The following MDGA2 variants were observed in gnomAD, a reference collection of about 807,000 sequenced individuals.
MDGA2 encodes the protein MAM domain-containing glycosylphosphatidylinositol anchor protein 2.
In MDGA2, 40 loss-of-function variants were observed where a neutral mutation model predicts 117.8. The observed-to-expected ratio is 0.34, with a 90% CI of 0.26 to 0.44. The LOEUF (loss-of-function observed/expected upper bound fraction) is 0.44. MDGA2 is among the 20% of genes least tolerant of loss of function. The pLI is 1.00. For synonymous variants in MDGA2, 452 were observed against 439.0 expected, an observed-to-expected ratio of 1.03 and a Z score of -0.37; for missense variants, 1,123 against 1,250.6, an observed-to-expected ratio of 0.90 and a Z score of 1.54.
At chr14:47,392,565 T>C (rs1012135466) in intron 1 of MDGA2, among the ~76,000 whole-genome samples, 9 of 152,058 alleles carry the variant, frequency 5.9e-5, no homozygotes, top group Non-Finnish European at 1.3e-4. Context: ...GCAGGAGAAC[T>C]TTCAGGGTAA....
intron 1 of MDGA2, among the ~76,000 whole-genome samples, chr14:47,396,579 A>G (rs1184907096): frequency 6.6e-6 from 1 of 152,230 alleles, no homozygotes; most frequent in Non-Finnish European, 1.5e-5. Context: ...AAATTTTTGC[A>G]ATCTATCCAT....
At chr14:47,112,754 C>T (rs879999954) in intron 5 of MDGA2, among the ~76,000 whole-genome samples, 4 of 152,250 alleles carry the variant, frequency 2.6e-5, no homozygotes, top group South Asian at 2.1e-4. Context: ...TAGGTATATA[C>T]CCAGTAATAG....
intron 1 of MDGA2, among the ~76,000 whole-genome samples, chr14:47,585,644 A>T (rs2138848646): frequency 6.6e-6 from 1 of 151,874 alleles, no homozygotes; most frequent in South Asian, 2.1e-4. Context: ...CGGCTCCCAT[A>T]ACTAGGAAGT....
rs573180213 is a variant in MDGA2, at chr14:47,368,819, A to C, written c.281-67269T>G. 2.0e-5 allele frequency among the ~76,000 whole-genome samples: 3 copies of C among 152,268 alleles called. No individual in the cohort carries two copies. The East Asian group carries it at 5.8e-4, about 29-fold the overall frequency. On this transcript the variant is annotated intron_variant, in intron 1 of 16. Coordinates refer to ENST00000399232, the MANE Select transcript of MDGA2 (RefSeq NM_001113498.3). ...ATAATAATAACATATGCTTGGAGAA[A>C]AGTCATGTTAACTTGCTTTCTGACT...
At chr14:47,050,883 C>T (rs765741120) in intron 7 of MDGA2, among the ~76,000 whole-genome samples, 6 of 151,924 alleles carry the variant, frequency 3.9e-5, no homozygotes, top group Non-Finnish European at 5.9e-5. Flanking sequence ...ACTCTAACAT[C>T]CTAACACTTT....
chr14:47,660,983 C>T (rs570590294), intron 1 of MDGA2, among the ~76,000 whole-genome samples: 36 of 152,044 alleles, frequency 2.4e-4, no homozygotes, highest in African/African-American at 8.2e-4. Flanking sequence ...AGAAAGAAAA[C>T]CATATGGTAT....
At chr14:47,229,017 T>C (rs1206812468) in intron 2 of MDGA2, among the ~76,000 whole-genome samples, 6 of 152,002 alleles carry the variant, frequency 3.9e-5, no homozygotes, top group Admixed American at 2.0e-4. Flanking sequence ...GAGAAAGAAA[T>C]AGACATAGTG....
At chr14:47,155,008 A>C (rs750099809) in intron 3 of MDGA2, among the ~76,000 whole-genome samples, 2 of 152,014 alleles carry the variant, frequency 1.3e-5, no homozygotes, top group Non-Finnish European at 2.9e-5. Flanking sequence ...AAAATCCCAG[A>C]CTCAGCCAGA....
chr14:46,859,551 C>G (rs1881422542), intron 14 of MDGA2, among the ~76,000 whole-genome samples: 1 of 152,110 alleles, frequency 6.6e-6, no homozygotes, highest in Non-Finnish European at 1.5e-5. Context: ...GGATCTGTGG[C>G]AAGGTCAGGA....
chr14:47,619,423 T>G (rs919496048), intron 1 of MDGA2, among the ~76,000 whole-genome samples: 2 of 152,126 alleles, frequency 1.3e-5, no homozygotes, highest in Non-Finnish European at 2.9e-5. Context: ...TTTAAGTACA[T>G]TAAAACTAAT....
At chr14:46,959,435 C>T (rs374325239) in intron 8 of MDGA2, among the ~76,000 whole-genome samples, 1 of 151,706 alleles carries the variant, frequency 6.6e-6, no homozygotes, top group African/African-American at 2.4e-5. Context: ...TATTTTTATT[C>T]TTATACTTTC....
chr14:46,982,734 A>AAAAATAAT (rs1449356596), intron 8 of MDGA2, among the ~76,000 whole-genome samples: 1 of 130,326 alleles, frequency 7.7e-6, no homozygotes. Context: ...AAAAAAAAAA[A>AAAAATAAT]AATCATGTCA....
Position 46,956,648 on chromosome 14 carries a change from G to GAAA in MDGA2, c.2089+723_2089+725dup, listed in dbSNP as rs34551284. Among the ~76,000 whole-genome samples the GAAA allele has an allele frequency of 4.1e-3, 600 of 146,418 alleles. 9 individuals carry two copies. Among genetic ancestry groups the GAAA allele is most frequent in the African/African-American group, 0.014 (582 of 40,400 alleles). ...TATCTATTCACATGAGATTTGAATA[G>GAAA]AAAAAAAAAAATGTTTGCAACTTGA... On this transcript the variant is annotated intron_variant, in intron 9 of 16. Transcript: ENST00000399232.
At chr14:46,919,053 C>A (rs1296482109) in intron 10 of MDGA2, among the ~76,000 whole-genome samples, 2 of 152,094 alleles carry the variant, frequency 1.3e-5, no homozygotes, top group Non-Finnish European at 2.9e-5. Context: ...TGAGCCACCG[C>A]GCCCGGCCAC....
chr14:47,505,711 T>C (rs1894497037), intron 1 of MDGA2, among the ~76,000 whole-genome samples: 2 of 152,204 alleles, frequency 1.3e-5, no homozygotes, highest in Admixed American at 1.3e-4. Context: ...CTTGCAACAT[T>C]AATACAAAAT....
chr14:47,027,181 C>A (rs1888504676), intron 8 of MDGA2, among the ~76,000 whole-genome samples: 1 of 151,020 alleles, frequency 6.6e-6, no homozygotes, highest in South Asian at 2.1e-4. Context: ...AAAAAAAAAA[C>A]CTATAAAATA....
chr14:47,248,981 T>TTTCTTTCTTTCTTTCA (rs1887347719), intron 2 of MDGA2, among the ~76,000 whole-genome samples: 1 of 120,640 alleles, frequency 8.3e-6, no homozygotes, highest in Non-Finnish European at 1.8e-5. Flanking sequence ...CTTCTCTCTC[T>TTTCTTTCTTTCTTTCA]TTCTTTCTTT....
chr14:47,589,072 A>G (rs1358479051), intron 1 of MDGA2, among the ~76,000 whole-genome samples: 1 of 151,936 alleles, frequency 6.6e-6, no homozygotes, highest in Non-Finnish European at 1.5e-5. Flanking sequence ...ATCAAGGATT[A>G]TCTCCCCATG....
intron 1 of MDGA2, among the ~76,000 whole-genome samples, chr14:47,374,160 T>A (rs1891426380): frequency 6.6e-6 from 1 of 152,168 alleles, no homozygotes; most frequent in African/African-American, 2.4e-5. Context: ...TTTAATGTTA[T>A]GACTATGTAG....
Sources: allele counts gnomAD v4.1 joint callset (sites outside exome capture counted in the v4.1 genomes callset), GRCh38; gene constraint gnomAD v4.1.1; transcripts MANE v1.5; gene names NCBI Gene and HGNC (gene_info 2026-07-23, HGNC 2026-07-21).